Variants in VCAM1 observed in about 807,000 individuals in gnomAD.
VCAM1 encodes vascular cell adhesion protein 1.
A neutral mutation model predicts 63.8 loss-of-function variants in VCAM1; 41 were observed. The ratio of observed to expected loss-of-function variants is 0.64; its 90% CI spans 0.50 to 0.83. The LOEUF is 0.83. VCAM1 is among the 40% of genes least tolerant of loss of function. The pLI, the probability that VCAM1 is intolerant of heterozygous loss-of-function variation, is 0.00. For missense variants in VCAM1, 798 were observed against 875.5 expected (o/e 0.91, Z 1.12); for synonymous variants, 338 against 320.7 (o/e 1.05, Z -0.58).
intron 1 of VCAM1, 50 bp from the exon 2 acceptor site, chr1:100,720,426 A>T: frequency 6.3e-7 from 1 of 1,575,246 alleles, no homozygotes. Flanking sequence ...GGAGGAGAAT[A>T]CTAGACAAAC....
In VCAM1 at chr1:100,729,236, GC is replaced by G. The variant is rs756374064; in HGVS notation, c.1061del (p.Pro354LeufsTer2). 3.7e-6 allele frequency: 6 copies of G among 1,613,524 alleles called. No homozygotes were observed. The highest frequency in any genetic ancestry group is 5.1e-6 in the Non-Finnish European group (6 of 1,179,704). ...PSFSWRTQID[S>X]PLSGKVRSEG... is the part of the protein sequence containing the mutation. ...TTCTCCTGGAGAACCCAGATAGACA[GC>G]CCTCTGAGCGGGAAGGTGAGGAGTG... On this transcript the variant is annotated frameshift_variant, in exon 5 of 9. Transcript: ENST00000294728. LOFTEE classifies it high-confidence loss of function.
chr1:100,729,115 T>C lies in VCAM1; in HGVS notation c.937T>C (p.Phe313Leu). Residue 313 changes from phenylalanine (F) to leucine (L), a missense_variant, in exon 5 of 9, where the codon TTT (phenylalanine) becomes CTT (leucine). Phe to Leu is a conservative substitution (Grantham distance 22). Transcript: ENST00000294728. Reference sequence around the variant, plus strand: ...TTCCACCTGTGTCCCAGAGAAACCATTTACTGTTGAGATCTCCCCTGGACC... The same window carrying C: ...TTCCACCTGTGTCCCAGAGAAACCACTTACTGTTGAGATCTCCCCTGGACC... ...EVELIVQEKP[F>L]TVEISPGPRI... The C allele has an allele frequency of 1.3e-6, 2 of 1,535,660 alleles. No individual in the cohort carries two copies. Among genetic ancestry groups the C allele is most frequent in the Non-Finnish European group, 1.8e-6 (2 of 1,138,982 alleles).
intron 1 of VCAM1, 43 bp from the exon 2 acceptor site, chr1:100,720,433 A>G: frequency 6.3e-7 from 1 of 1,584,702 alleles, no homozygotes. Context: ...AATACTAGAC[A>G]AACTAGTGGT....
At chr1:100,723,482 T>A in intron 3 of VCAM1, 142 bp downstream of exon 3, 1 of 893,652 alleles carries the variant, frequency 1.1e-6, no homozygotes, top group African/African-American at 1.7e-5. Context: ...AACATAATGT[T>A]TGTCAATAGT....
chr1:100,721,528 C>T (rs969194775), intron 2 of VCAM1, among the ~76,000 whole-genome samples: 4 of 152,050 alleles, frequency 2.6e-5, no homozygotes, highest in African/African-American at 7.2e-5. Flanking sequence ...TTACTGATGG[C>T]CTCTCTTTCT....
In VCAM1 at chr1:100,738,635, A is replaced by G. The variant is rs749971176; in HGVS notation, c.*352A>G. On this transcript the variant is annotated 3_prime_UTR_variant, in exon 9 of 9. Coordinates refer to ENST00000294728, the MANE Select transcript of VCAM1 (RefSeq NM_001078.4). ...TAAAATAACTAGTGTTGCTTGGACT[A>G]TTATAATTTAATGCATGTTAGGAAA... 1.5e-4 allele frequency: 23 copies of G among 156,368 alleles called. No homozygotes were observed. The highest frequency in any genetic ancestry group is 2.7e-4 in the Non-Finnish European group (19 of 70,510). The allele number at this position is 156,368 out of a possible 1,614,324, so 9.7% of individuals were successfully genotyped here.
In VCAM1 at chr1:100,723,011, C is replaced by T. The variant is rs369833640; in HGVS notation, c.341-9C>T. The T allele has an allele frequency of 4.2e-5, 67 of 1,602,006 alleles. No individual in the cohort carries two copies. The African/African-American group carries it at 7.6e-4, about 18-fold the overall frequency. On this transcript the variant is annotated splice_polypyrimidine_tract_variant and intron_variant, in intron 2 of 8. Coordinates refer to ENST00000294728, the MANE Select transcript of VCAM1 (RefSeq NM_001078.4). The stretch of plus-strand genomic sequence containing the variant: ...AAAGCCCATCCATGTATTTGTTTGG[C>T]CTTTTCAGCTTTTCCTAAGGATCCA...
intron 6 of VCAM1, 68 bp from the exon 7 acceptor site, chr1:100,732,350 A>G (rs1557906511): frequency 1.9e-5 from 27 of 1,457,184 alleles, no homozygotes; most frequent in Non-Finnish European, 2.4e-5. Context: ...CAGTTTTGCA[A>G]CATTATTAAA....
At chr1:100,726,226 G>T (rs550215500) in intron 4 of VCAM1, among the ~76,000 whole-genome samples, 1 of 152,096 alleles carries the variant, frequency 6.6e-6, no homozygotes, top group Admixed American at 6.6e-5. Context: ...GCAAATGACA[G>T]AATTTCCTCT....
chr1:100,722,251 A>G lies in VCAM1; in HGVS notation c.341-769A>G, dbSNP rs946767296. On this transcript the variant is annotated intron_variant, in intron 2 of 8. Coordinates refer to ENST00000294728, the MANE Select transcript of VCAM1 (RefSeq NM_001078.4). ...GTATTTCCTTGTACTAGAAGCTTCAATGGAACACTTGTTGGGATAGTGAGT... is the reference window on the plus strand; with the variant it reads ...GTATTTCCTTGTACTAGAAGCTTCAGTGGAACACTTGTTGGGATAGTGAGT... Among the ~76,000 whole-genome samples, 138 of 152,188 alleles carry G rather than the reference A, an allele frequency of 9.1e-4. 3 individuals carry two copies. Among genetic ancestry groups the G allele is most frequent in the Non-Finnish European group, 1.8e-3 (120 of 67,962 alleles).
At position 100,731,567 on chromosome 1, in the gene VCAM1, G is replaced by C; in HGVS notation, c.1525+49G>C. 1 of 1,508,896 alleles carries C rather than the reference G, an allele frequency of 6.6e-7. No homozygotes were observed. Among genetic ancestry groups the C allele is most frequent in the Non-Finnish European group, 9.0e-7 (1 of 1,113,070 alleles). 93.5% of individuals were successfully genotyped at this position (1,508,896 alleles called of 1,614,324 possible). ...ACAGTTTAATACCTGTCTCTTTATC[G>C]TGTTTGCCAGGCAATAGTTAACATA... On this transcript the variant is annotated intron_variant, in intron 6 of 8. Coordinates refer to ENST00000294728, the MANE Select transcript of VCAM1 (RefSeq NM_001078.4). This position sits in a 1 kb window ranked among gnomAD's most constrained non-coding sequence, Gnocchi z 4.2.
chr1:100,732,643 A>T lies in VCAM1; in HGVS notation c.1751A>T (p.Gln584Leu). ...SGVYLCEGIN[Q>L]AGRSRKEVEL... ...GTTTATTTATGTGAAGGAATTAACC[A>T]GGCTGGAAGAAGCAGAAAGGAAGTG... The change falls in exon 7 of 9, where the codon CAG becomes CTG. Residue 584 changes from glutamine to leucine, a missense_variant. Coordinates refer to ENST00000294728, the MANE Select transcript of VCAM1 (RefSeq NM_001078.4). The T allele has an allele frequency of 1.9e-6, 3 of 1,607,174 alleles. No homozygotes were observed. The highest frequency in any genetic ancestry group is 2.5e-6 in the Non-Finnish European group (3 of 1,177,694).
At chr1:100,720,423 A>G (rs1210541136) in intron 1 of VCAM1, 53 bp from the exon 2 acceptor site, 1 of 1,565,586 alleles carries the variant, frequency 6.4e-7, no homozygotes, top group Non-Finnish European at 8.7e-7. Flanking sequence ...GAAGGAGGAG[A>G]ATACTAGACA....
Position 100,732,644 on chromosome 1 carries a change from G to A in VCAM1, c.1752G>A (p.Gln584=). The change falls in exon 7 of 9, where the codon CAG becomes CAA. Residue 584 remains glutamine, a synonymous_variant. Transcript: ENST00000294728. The part of the protein sequence containing the change: ...SGVYLCEGIN[Q]AGRSRKEVEL... ...TTTATTTATGTGAAGGAATTAACCAGGCTGGAAGAAGCAGAAAGGAAGTGG... is the reference window on the plus strand; with the variant it reads ...TTTATTTATGTGAAGGAATTAACCAAGCTGGAAGAAGCAGAAAGGAAGTGG... 6.2e-7 allele frequency: 1 copy of A among 1,606,822 alleles called. No individual in the cohort carries two copies. The highest frequency in any genetic ancestry group is 8.5e-7 in the Non-Finnish European group (1 of 1,177,588).
chr1:100,720,387 T>A, intron 1 of VCAM1, 89 bp from the exon 2 acceptor site: 1 of 1,474,292 alleles, frequency 6.8e-7, no homozygotes, highest in Non-Finnish European at 9.1e-7. Context: ...ATCAGTCTGA[T>A]CATATTTTAG....
intron 2 of VCAM1, among the ~76,000 whole-genome samples, chr1:100,721,497 A>G (rs1384744056): frequency 1.3e-5 from 2 of 152,084 alleles, no homozygotes; most frequent in Non-Finnish European, 2.9e-5. Flanking sequence ...AACTAACCAG[A>G]CATAAATCAT....
At chr1:100,737,868 G>T in intron 8 of VCAM1, 1 of 277,524 alleles carries the variant, frequency 3.6e-6, no homozygotes, top group Non-Finnish European at 6.8e-6. Context: ...AACTGAACCT[G>T]AATCTATTTG....
In VCAM1 at chr1:100,720,642, A is replaced by G; in HGVS notation, c.231A>G (p.Thr77=). ...GGAAGGTGACGAATGAGGGGACCAC[A>G]TCTACGCTGACAATGAATCCTGTTA... ...LNGKVTNEGT[T]STLTMNPVSF... The change falls in exon 2 of 9, where the codon ACA becomes ACG. Residue 77 remains threonine, a synonymous_variant. Coordinates refer to ENST00000294728, the MANE Select transcript of VCAM1 (RefSeq NM_001078.4). The G allele has an allele frequency of 1.9e-6, 3 of 1,613,232 alleles. No homozygotes were observed. The highest frequency in any genetic ancestry group is 1.7e-5 in the Admixed American group (1 of 59,870).
intron 8 of VCAM1, chr1:100,735,551 A>C (rs1660618728): frequency 6.6e-6 from 1 of 152,254 alleles, no homozygotes; most frequent in Non-Finnish European, 1.5e-5. Context: ...ACAAATGCCA[A>C]GTCTTAAGAG....
Sources: gnomAD v4.1 joint callset for allele counts (sites outside exome capture counted in the v4.1 genomes callset) on GRCh38, gnomAD v4.1.1 for gene constraint, Gnocchi (gnomAD v3.1) non-coding constraint, MANE v1.5 for transcripts, NCBI Gene and HGNC (gene_info 2026-07-23, HGNC 2026-07-21) for gene names.